The following NBAS variants were observed in gnomAD, a reference collection of about 807,000 sequenced individuals.
The protein encoded by NBAS is NBAS subunit of NRZ tethering complex.
Under a neutral mutation model 302.5 loss-of-function variants are expected in NBAS, and 219 were observed. The ratio of observed to expected loss-of-function variants is 0.72; its 90% CI spans 0.65 to 0.81. The LOEUF (loss-of-function observed/expected upper bound fraction) is 0.81, where lower values mean the gene tolerates loss of function less well. Among genes scored for constraint, NBAS ranks in the 30% least tolerant of loss-of-function variants. NBAS has a pLI of 0.00. For missense variants in NBAS, 2,932 were observed against 2,841.6 expected (o/e 1.03, Z -0.72); for synonymous variants, 1,118 against 1,021.6 (o/e 1.09, Z -1.80).
the NBAS span, among the ~76,000 whole-genome samples, chr2:14,893,874 A>C: frequency 1.3e-5 from 2 of 152,248 alleles, no homozygotes; most frequent in Non-Finnish European, 2.9e-5. Context: ...ACAGCTTCCC[A>C]TTGTTGCCAG....
chr2:15,143,598 C>A, the NBAS span, among the ~76,000 whole-genome samples: 2 of 152,156 alleles, frequency 1.3e-5, no homozygotes, highest in Non-Finnish European at 2.9e-5. Flanking sequence ...CCCTCTGCAG[C>A]CCTTTGGAGG....
intron 6 of NBAS, among the ~76,000 whole-genome samples, chr2:15,544,121 C>T (rs150293653): frequency 0.012 from 1,799 of 152,260 alleles, 20 homozygotes; most frequent in Non-Finnish European, 0.018. Context: ...TCCTCATTTT[C>T]ATAGTGAATT....
intron 35 of NBAS, among the ~76,000 whole-genome samples, chr2:15,337,749 A>G (rs752722701): frequency 6.6e-6 from 1 of 152,202 alleles, no homozygotes; most frequent in African/African-American, 2.4e-5. Context: ...GCAACATTTA[A>G]TTTGGGGGGC....
At chr2:14,820,521 T>C in the NBAS span, among the ~76,000 whole-genome samples, 7 of 152,152 alleles carry the variant, frequency 4.6e-5, no homozygotes, top group Non-Finnish European at 1.0e-4. Context: ...GGCTGGAAAG[T>C]GTAGCACAGG....
chr2:15,296,489 G>A (rs1446128656), intron 40 of NBAS, among the ~76,000 whole-genome samples: 2 of 151,876 alleles, frequency 1.3e-5, no homozygotes, highest in Non-Finnish European at 2.9e-5. Context: ...TTGTGCTACT[G>A]CACTCCAGCC....
chr2:15,269,463 C>T (rs1159201000), intron 44 of NBAS, among the ~76,000 whole-genome samples: 2 of 152,058 alleles, frequency 1.3e-5, no homozygotes, highest in Admixed American at 1.3e-4. Flanking sequence ...GTGAACAAAG[C>T]GAGACTGTGA....
chr2:14,965,868 T>G, the NBAS span, among the ~76,000 whole-genome samples: 1 of 152,198 alleles, frequency 6.6e-6, no homozygotes, highest in Non-Finnish European at 1.5e-5. Flanking sequence ...GAAAGATATG[T>G]TAAGTTGTAA....
At chr2:15,379,990 T>C (rs1389177967) in intron 29 of NBAS, among the ~76,000 whole-genome samples, 159 bp from the exon 30 acceptor site, 1 of 152,202 alleles carries the variant, frequency 6.6e-6, no homozygotes, top group Non-Finnish European at 1.5e-5. Context: ...CAATGAACTG[T>C]ATACTTTGAA....
intron 44 of NBAS, among the ~76,000 whole-genome samples, chr2:15,267,211 A>G (rs1253871967): frequency 4.6e-5 from 7 of 152,224 alleles, no homozygotes; most frequent in Non-Finnish European, 1.0e-4. Flanking sequence ...ATATGCTTCA[A>G]TAAACTATGA....
chr2:14,854,078 AT>A, the NBAS span, among the ~76,000 whole-genome samples: 187 of 147,858 alleles, frequency 1.3e-3, no homozygotes, highest in African/African-American at 2.7e-3. Flanking sequence ...ATAATAAAAA[AT>A]AATAATAATA....
At chr2:14,823,084 G>C in the NBAS span, among the ~76,000 whole-genome samples, 1 of 152,162 alleles carries the variant, frequency 6.6e-6, no homozygotes, top group Non-Finnish European at 1.5e-5. Context: ...ATTTTAGATA[G>C]AATTTTTTTA....
chr2:15,306,613 T>C (rs1176657033), intron 40 of NBAS, among the ~76,000 whole-genome samples: 1 of 152,182 alleles, frequency 6.6e-6, no homozygotes, highest in Non-Finnish European at 1.5e-5. Flanking sequence ...TTTCCTTACA[T>C]AAAATATAAG....
rs774459507 is a variant in NBAS, at chr2:15,467,626, T to C, written c.2018+38A>G. On this transcript the variant is annotated intron_variant, in intron 18 of 51. Coordinates refer to ENST00000281513, the MANE Select transcript of NBAS (RefSeq NM_015909.4). ...AACACACTGAAATGATTAGTTATTTTAAAGAAACTATCAAATGAACAGTAA... is the reference window on the plus strand; with the variant it reads ...AACACACTGAAATGATTAGTTATTTCAAAGAAACTATCAAATGAACAGTAA... The C allele has an allele frequency of 1.9e-6, 3 of 1,581,004 alleles. No individual in the cohort carries two copies. In the African/African-American group the frequency reaches 4.0e-5, roughly 21 times the overall value.
chr2:14,805,054 C>T, the NBAS span, among the ~76,000 whole-genome samples: 2 of 152,134 alleles, frequency 1.3e-5, no homozygotes, highest in African/African-American at 4.8e-5. Flanking sequence ...ATATGCCAGG[C>T]CTTGTGCTCA....
chr2:15,469,537 C>T (rs1458616770), intron 16 of NBAS, among the ~76,000 whole-genome samples: 5 of 152,038 alleles, frequency 3.3e-5, no homozygotes, highest in African/African-American at 9.7e-5. Context: ...CATATGCACA[C>T]GTATGTTTAT....
the NBAS span, among the ~76,000 whole-genome samples, chr2:14,882,361 A>G: frequency 6.6e-6 from 1 of 152,204 alleles, no homozygotes. Context: ...CCAAGTTTTA[A>G]CTTCATAATT....
Position 15,415,686 on chromosome 2 carries a change from G to A in NBAS, c.2797C>T (p.Gln933Ter), listed in dbSNP as rs1333357991. ...SEDKYVTSAYQWMVPFLHRCE... is the reference protein window; with the variant it reads ...SEDKYVTSAY ...CGATGAAGAAAGGGAACCATCCACT[G>A]GTAGGCACTTGTCACATATTTATCC... The change falls in exon 25 of 52, where the codon CAG becomes TAG. Residue 933 changes from glutamine to a stop codon, truncating the protein, a stop_gained. Coordinates refer to ENST00000281513, the MANE Select transcript of NBAS (RefSeq NM_015909.4). LOFTEE classifies it high-confidence loss of function. 6.2e-7 allele frequency: 1 copy of A among 1,614,138 alleles called. No individual in the cohort carries two copies. The highest frequency in any genetic ancestry group is 2.2e-5 in the East Asian group (1 of 44,874).
At chr2:15,123,546 G>A in the NBAS span, among the ~76,000 whole-genome samples, 46 of 152,276 alleles carry the variant, frequency 3.0e-4, no homozygotes, top group East Asian at 7.9e-3. Flanking sequence ...GATCATGGGG[G>A]CAGATCCCTC....
At chr2:14,886,192 A>G in the NBAS span, among the ~76,000 whole-genome samples, 2 of 138,080 alleles carry the variant, frequency 1.4e-5, no homozygotes, top group African/African-American at 3.4e-5. Context: ...CCTGACCTCC[A>G]TAATTCCCTA....
Sources: allele counts gnomAD v4.1 joint callset (sites outside exome capture counted in the v4.1 genomes callset), GRCh38; gene constraint gnomAD v4.1.1; transcripts MANE v1.5; gene names NCBI Gene and HGNC (gene_info 2026-07-23, HGNC 2026-07-21).